Variants in LRRIQ1 observed in about 807,000 individuals in gnomAD.
LRRIQ1 encodes leucine rich repeats and IQ motif containing 1, also known as leucine-rich repeat- and IQ domain-containing protein 1.
In LRRIQ1, 210 loss-of-function variants were observed where a neutral mutation model predicts 211.9. The ratio of observed to expected loss-of-function variants is 0.99; its 90% CI spans 0.89 to 1.11. The LOEUF is 1.11. Ranked by LOEUF, LRRIQ1 falls within the 50% of genes most tolerant of loss-of-function variation. The pLI, the probability that LRRIQ1 is intolerant of heterozygous loss-of-function variation, is 0.00. For synonymous variants in LRRIQ1, 699 were observed against 650.1 expected, an observed-to-expected ratio of 1.08 and a Z score of -1.14; for missense variants, 2,136 against 1,939.5, an observed-to-expected ratio of 1.10 and a Z score of -1.90.
At chr12:85,127,773 A>C in intron 17 of LRRIQ1, 59 bp from the exon 18 acceptor site, 1 of 1,448,692 alleles carries the variant, frequency 6.9e-7, no homozygotes, top group East Asian at 2.3e-5. Context: ...CCTTTTATCT[A>C]CAACTCTGTA....
At chr12:85,168,155 C>T (rs549568424) in intron 24 of LRRIQ1, among the ~76,000 whole-genome samples, 12 of 152,320 alleles carry the variant, frequency 7.9e-5, no homozygotes, top group African/African-American at 2.6e-4. Context: ...GCAAGCACCT[C>T]AGCAGGTCAT....
intron 18 of LRRIQ1, among the ~76,000 whole-genome samples, chr12:85,136,883 T>C (rs73381618): frequency 0.057 from 8,640 of 151,846 alleles, 828 homozygotes; most frequent in African/African-American, 0.2. Context: ...GCATGAAACA[T>C]TTTTTATATT....
intron 11 of LRRIQ1, among the ~76,000 whole-genome samples, chr12:85,081,092 A>G (rs1045726520): frequency 1.3e-5 from 2 of 151,982 alleles, no homozygotes; most frequent in African/African-American, 4.8e-5. Flanking sequence ...CTCTTAAGGG[A>G]TAGTGCATGC....
chr12:85,265,602 G>T (rs1896401562), downstream of LRRIQ1, among the ~76,000 whole-genome samples: 1 of 151,904 alleles, frequency 6.6e-6, no homozygotes, highest in Non-Finnish European at 1.5e-5. Flanking sequence ...ACCTTGCTGT[G>T]CAACACATTA....
chr12:85,229,677 T>C, intron 25 of LRRIQ1, 28 bp downstream of exon 25: 5 of 1,598,100 alleles, frequency 3.1e-6, no homozygotes, highest in Non-Finnish European at 4.3e-6. Context: ...AAATTAGATT[T>C]TTGTATTGTA....
At chr12:85,199,919 G>A (rs777793952) in intron 24 of LRRIQ1, among the ~76,000 whole-genome samples, 1 of 152,106 alleles carries the variant, frequency 6.6e-6, no homozygotes, top group Non-Finnish European at 1.5e-5. Flanking sequence ...CTCCAGCTCT[G>A]TTCTTTTCAC....
chr12:85,105,307 C>A (rs1241740745), intron 14 of LRRIQ1, among the ~76,000 whole-genome samples: 1 of 151,948 alleles, frequency 6.6e-6, no homozygotes, highest in Non-Finnish European at 1.5e-5. Context: ...ATTCTAGAAG[C>A]TTTTGTACTT....
chr12:85,087,161 C>G (rs1485334484), intron 11 of LRRIQ1, among the ~76,000 whole-genome samples: 1 of 151,832 alleles, frequency 6.6e-6, no homozygotes, highest in Non-Finnish European at 1.5e-5. Context: ...TCTCATTGTT[C>G]AATTCCCACC....
intron 24 of LRRIQ1, among the ~76,000 whole-genome samples, chr12:85,203,120 G>A (rs150949548): frequency 5.9e-5 from 9 of 152,228 alleles, no homozygotes; most frequent in Non-Finnish European, 8.8e-5. Context: ...TAGTGTTCTC[G>A]TGGTAGTGAA....
chr12:85,200,876 G>A (rs553502487), intron 24 of LRRIQ1, among the ~76,000 whole-genome samples: 1 of 152,046 alleles, frequency 6.6e-6, no homozygotes, highest in East Asian at 1.9e-4. Context: ...CTGCAGTGCA[G>A]TGGAGCGATC....
intron 8 of LRRIQ1, among the ~76,000 whole-genome samples, chr12:85,059,560 A>C (rs576799265): frequency 2.6e-5 from 4 of 151,986 alleles, no homozygotes; most frequent in African/African-American, 4.8e-5. Context: ...AATTTGAAGT[A>C]TGGTTTCAAC....
chr12:85,211,116 C>G (rs924876920), intron 24 of LRRIQ1, among the ~76,000 whole-genome samples: 2 of 152,126 alleles, frequency 1.3e-5, no homozygotes, highest in Non-Finnish European at 2.9e-5. Context: ...AGTCTTGCTT[C>G]TTTTTCAGCA....
At chr12:85,195,267 C>T (rs1892834520) in intron 24 of LRRIQ1, among the ~76,000 whole-genome samples, 1 of 151,840 alleles carries the variant, frequency 6.6e-6, no homozygotes, top group South Asian at 2.1e-4. Flanking sequence ...GGTACCATTC[C>T]TTCTGAAACT....
chr12:85,216,889 ATAAAG>A (rs540270607), intron 24 of LRRIQ1, among the ~76,000 whole-genome samples: 3 of 152,154 alleles, frequency 2.0e-5, no homozygotes, highest in South Asian at 2.1e-4. Flanking sequence ...TTTGGCATTA[ATAAAG>A]TATTCAGCTG....
intron 8 of LRRIQ1, among the ~76,000 whole-genome samples, chr12:85,063,928 A>G (rs944428185): frequency 6.6e-6 from 1 of 151,682 alleles, no homozygotes; most frequent in African/African-American, 2.4e-5. Context: ...TTCTCTATTC[A>G]TTTCTCTGTT....
At chr12:85,102,244 A>G (rs190003850) in intron 13 of LRRIQ1, among the ~76,000 whole-genome samples, 5 of 151,594 alleles carry the variant, frequency 3.3e-5, no homozygotes, top group Admixed American at 2.6e-4. Flanking sequence ...AATTTCCTCT[A>G]TCCCTCCATG....
chr12:85,218,759 A>G (rs1161817684), intron 24 of LRRIQ1, among the ~76,000 whole-genome samples: 2 of 152,116 alleles, frequency 1.3e-5, no homozygotes, highest in African/African-American at 4.8e-5. Context: ...GGGTAGTTCT[A>G]AAAGCAATAT....
rs375867129 is a variant in LRRIQ1, at chr12:85,092,031, A to G, written c.2888-6324A>G. 7.9e-5 allele frequency among the ~76,000 whole-genome samples: 12 copies of G among 152,312 alleles called. No homozygotes were observed. In the South Asian group the frequency reaches 2.5e-3, roughly 32 times the overall value. ...TTCATCAGCAGCATTAGATTCTCAT[A>G]GGAGCGTGAATCCTATTGTGAACTG... On this transcript the variant is annotated intron_variant, in intron 11 of 26. Transcript: ENST00000393217.
intron 1 of LRRIQ1, among the ~76,000 whole-genome samples, chr12:85,250,556 A>C (rs1895877191): frequency 6.6e-6 from 1 of 150,798 alleles, no homozygotes. Flanking sequence ...CCTGAGCAAC[A>C]TAGTGGGATC....
Sources: allele counts gnomAD v4.1 joint callset (sites outside exome capture counted in the v4.1 genomes callset), GRCh38; gene constraint gnomAD v4.1.1; transcripts MANE v1.5; gene names NCBI Gene and HGNC (gene_info 2026-07-23, HGNC 2026-07-21).